AP3B2: variants seen among roughly 807,000 people sequenced by gnomAD.
The protein encoded by AP3B2 is adaptor related protein complex 3 subunit beta 2, also known as AP-3 complex subunit beta-2.
In AP3B2, 50 loss-of-function variants were observed where a neutral mutation model predicts 126.9. The ratio of observed to expected loss-of-function variants is 0.39; its 90% CI spans 0.31 to 0.50. AP3B2 has a LOEUF of 0.50. AP3B2 is among the 20% of genes least tolerant of loss of function. The probability of loss-of-function intolerance (pLI) is 0.79; values close to 1 mark genes in which losing one functional copy is unlikely to be tolerated. For synonymous variants in AP3B2, 541 were observed against 565.0 expected (o/e 0.96, Z 0.60); for missense variants, 1,177 against 1,426.4 (o/e 0.83, Z 2.82).
chr15:82,670,986 A>G (rs1360341514), intron 14 of AP3B2, among the ~76,000 whole-genome samples: 1 of 152,242 alleles, frequency 6.6e-6, no homozygotes, highest in Non-Finnish European at 1.5e-5. Flanking sequence ...AATGCAAATC[A>G]AAACTACAAT....
chr15:82,706,530 A>T (rs1415391669), intron 1 of AP3B2, among the ~76,000 whole-genome samples: 1 of 152,148 alleles, frequency 6.6e-6, no homozygotes, highest in African/African-American at 2.4e-5. Flanking sequence ...TCAGGGCAAC[A>T]CTTATGCTGA....
intron 13 of AP3B2, 36 bp downstream of exon 13, chr15:82,677,238 T>C (rs1284136416): frequency 3.9e-6 from 6 of 1,520,600 alleles, no homozygotes; most frequent in Admixed American, 1.7e-5. Flanking sequence ...GGGGAGGACC[T>C]TGAAGTGGGG....
At position 82,680,083 on chromosome 15, in the gene AP3B2, T is replaced by C; in HGVS notation, c.1110+92A>G. On this transcript the variant is annotated intron_variant, in intron 9 of 26. Transcript: ENST00000535359. The surrounding 1 kb of genome is among the most constrained non-coding windows in gnomAD (Gnocchi z 6.1). The stretch of plus-strand genomic sequence containing the variant: ...GCCAGGGTATTCCTCCATCTTCCCT[T>C]TCCCCGGCCCCGGTCCCAGCCCCGA... 1 of 1,539,776 alleles carries C rather than the reference T, an allele frequency of 6.5e-7. No individual in the cohort carries two copies. Among genetic ancestry groups the C allele is most frequent in the Non-Finnish European group, 8.8e-7 (1 of 1,130,970 alleles).
At chr15:82,700,725 A>G (rs2048708607) in intron 1 of AP3B2, among the ~76,000 whole-genome samples, 1 of 150,896 alleles carries the variant, frequency 6.6e-6, no homozygotes, top group Non-Finnish European at 1.5e-5. Flanking sequence ...TTGTATTTGA[A>G]ACCCCTTTGA....
intron 4 of AP3B2, chr15:82,687,076 TAA>T (rs1266567903): frequency 1.3e-5 from 2 of 152,178 alleles, no homozygotes; most frequent in African/African-American, 4.8e-5. Flanking sequence ...GAGAATGGTT[TAA>T]AAAACACCCC....
intron 4 of AP3B2, chr15:82,688,352 A>C (rs1452394467): frequency 1.4e-6 from 1 of 693,346 alleles, no homozygotes; most frequent in Non-Finnish European, 2.6e-6. Context: ...GGCCACTGCT[A>C]AAGGTTGAAA....
chr15:82,672,426 G>A (rs187595406), intron 14 of AP3B2, among the ~76,000 whole-genome samples: 5 of 152,258 alleles, frequency 3.3e-5, no homozygotes, highest in Admixed American at 1.3e-4. Context: ...TGAGCTCATG[G>A]AGTTGGAGAG....
At position 82,680,456 on chromosome 15, in the gene AP3B2, T is replaced by C. The variant is rs1036236958; in HGVS notation, c.1055+16A>G. On this transcript the variant is annotated intron_variant, in intron 8 of 26. Transcript: ENST00000535359. The surrounding 1 kb of genome is among the most constrained non-coding windows in gnomAD (Gnocchi z 6.1). ...CAGGAGGCGAGGGAGGGGGCGGGGCTGGGGGCGGAGCGCACCTGTGGCTGC... is the reference window on the plus strand; with the variant it reads ...CAGGAGGCGAGGGAGGGGGCGGGGCCGGGGGCGGAGCGCACCTGTGGCTGC... The C allele has an allele frequency of 4.6e-6, 4 of 868,162 alleles. No individual in the cohort carries two copies. In the African/African-American group the frequency reaches 1.1e-4, roughly 25 times the overall value. 53.8% of individuals were successfully genotyped at this position (868,162 alleles called of 1,614,324 possible).
Position 82,678,418 on chromosome 15 carries a change from C to T in AP3B2, c.1183-251G>A, listed in dbSNP as rs2048279049. 2.0e-5 allele frequency among the ~76,000 whole-genome samples: 3 copies of T among 152,302 alleles called. No homozygotes were observed. The South Asian group carries it at 6.2e-4, about 32-fold the overall frequency. On this transcript the variant is annotated intron_variant, in intron 10 of 26. Transcript: ENST00000535359. ...TGTCACCTCCCTACTGCATTGAAAA[C>T]TTAAAGCTTCCTATTGCTTTCAGGA...
At chr15:82,705,710 C>T (rs535934708) in intron 1 of AP3B2, among the ~76,000 whole-genome samples, 3 of 152,276 alleles carry the variant, frequency 2.0e-5, no homozygotes, top group South Asian at 2.1e-4. Flanking sequence ...TGAAAACACA[C>T]GTGCTCTCCC....
intron 1 of AP3B2, chr15:82,699,555 G>C: frequency 5.0e-6 from 2 of 399,244 alleles, no homozygotes. Flanking sequence ...ACCGGAAGAG[G>C]TCTGGGCTGA....
At chr15:82,684,744 G>A (rs2048398757) in intron 4 of AP3B2, among the ~76,000 whole-genome samples, 4 of 152,102 alleles carry the variant, frequency 2.6e-5, no homozygotes, top group African/African-American at 9.6e-5. Flanking sequence ...CTCCTGCCTC[G>A]GCCTCCCAAA....
intron 1 of AP3B2, among the ~76,000 whole-genome samples, chr15:82,704,863 G>A (rs970502920): frequency 6.6e-6 from 1 of 152,210 alleles, no homozygotes; most frequent in South Asian, 2.1e-4. Context: ...CTTTTCAAAG[G>A]CCTGTTTCCT....
intron 14 of AP3B2, among the ~76,000 whole-genome samples, chr15:82,671,552 C>G (rs561698975): frequency 6.6e-6 from 1 of 151,374 alleles, no homozygotes; most frequent in South Asian, 2.1e-4. Context: ...TCCTGGCCAA[C>G]ATGGTGAAAC....
intron 10 of AP3B2, among the ~76,000 whole-genome samples, chr15:82,679,466 G>T (rs1316800233): frequency 6.6e-6 from 1 of 152,186 alleles, no homozygotes; most frequent in African/African-American, 2.4e-5. Context: ...CACATCCTGG[G>T]ATTATTATGA....
Position 82,709,658 on chromosome 15 carries a change from G to C in AP3B2, c.49C>G (p.Pro17Ala), listed in dbSNP as rs772421688. ...TCGTGGCCGTACTCGGGCTCCCCGG[G>C]GCCAGCGGAGCCGCCCTTGTCTTCG... ...YSEDKGGSAGPGEPEYGHDPA... is the reference protein window; with the variant it reads ...YSEDKGGSAGAGEPEYGHDPA... The change falls in exon 1 of 27, where the codon CCC becomes GCC. Residue 17 changes from proline to alanine, a missense_variant. Pro to Ala is a conservative substitution (Grantham distance 27). Around this residue, in one of 5 missense-constraint regions of AP3B2, gnomAD observed 49 missense variants for 39.3 expected, o/e 1.25. Transcript: ENST00000535359. 8.6e-6 allele frequency: 13 copies of C among 1,515,474 alleles called. No individual in the cohort carries two copies. The highest frequency in any genetic ancestry group is 1.1e-5 in the Non-Finnish European group (13 of 1,134,424). 93.9% of individuals were successfully genotyped at this position (1,515,474 alleles called of 1,614,324 possible).
At chr15:82,703,620 G>A (rs370068251) in intron 1 of AP3B2, among the ~76,000 whole-genome samples, 10 of 152,142 alleles carry the variant, frequency 6.6e-5, no homozygotes, top group South Asian at 6.2e-4. Flanking sequence ...GCCAGAAAAC[G>A]GCACTTTCGA....
At position 82,665,283 on chromosome 15, in the gene AP3B2, A is replaced by T; in HGVS notation, c.1992T>A (p.Ile664=). Residue 664 remains isoleucine, a synonymous_variant, in exon 17 of 27, where the codon ATT becomes ATA. Transcript: ENST00000535359. The surrounding 1 kb of genome is among the most constrained non-coding windows in gnomAD (Gnocchi z 4.4). ...RNVEEEDLSL[I]ETHVGLLGEY... is the part of the protein sequence containing the mutation. ...CGCCCAACAGGCCCACGTGAGTCTC[A>T]ATAAGGGAGAGATCTTCTTCCTGTG... is the stretch of plus-strand genomic sequence containing the variant. The T allele has an allele frequency of 6.5e-7, 1 of 1,549,786 alleles. No individual in the cohort carries two copies. The highest frequency in any genetic ancestry group is 8.7e-7 in the Non-Finnish European group (1 of 1,154,746).
At chr15:82,696,268 T>TA (rs1458783944) in intron 1 of AP3B2, among the ~76,000 whole-genome samples, 2 of 152,144 alleles carry the variant, frequency 1.3e-5, no homozygotes, top group African/African-American at 4.8e-5. Context: ...TGGGATATGG[T>TA]AAATTAAAGT....
Sources: allele counts gnomAD v4.1 joint callset (sites outside exome capture counted in the v4.1 genomes callset), GRCh38; gene constraint gnomAD v4.1.1; regional missense constraint gnomAD v4.1.1; non-coding constraint Gnocchi (gnomAD v3.1); transcripts MANE v1.5; gene names NCBI Gene and HGNC (gene_info 2026-07-23, HGNC 2026-07-21).